RAPGEF2: variants seen among roughly 807,000 people sequenced by gnomAD.
RAPGEF2 encodes Rap guanine nucleotide exchange factor 2.
Under a neutral mutation model 186.7 loss-of-function variants are expected in RAPGEF2, and 54 were observed. The ratio of observed to expected loss-of-function variants is 0.29; its 90% CI spans 0.23 to 0.36. The LOEUF (loss-of-function observed/expected upper bound fraction) is 0.36, where lower values mean the gene tolerates loss of function less well. RAPGEF2 is among the 10% of genes least tolerant of loss of function. The probability of loss-of-function intolerance (pLI) is 1.00; values close to 1 mark genes in which losing one functional copy is unlikely to be tolerated. For missense variants in RAPGEF2, 1,532 were observed against 2,045.0 expected (o/e 0.75, Z 4.84); for synonymous variants, 712 against 705.9 (o/e 1.01, Z -0.14).
At position 159,343,395 on chromosome 4, in the gene RAPGEF2, T is replaced by C; in HGVS notation, c.3245T>C (p.Phe1082Ser). 3 of 1,614,054 alleles carry C rather than the reference T, an allele frequency of 1.9e-6. No homozygotes were observed. Among genetic ancestry groups the C allele is most frequent in the Non-Finnish European group, 2.5e-6 (3 of 1,179,910 alleles). Residue 1082 changes from phenylalanine to serine, a missense_variant, in exon 22 of 30, where the codon TTC (phenylalanine) becomes TCC (serine). By Grantham distance (155) the Phe-to-Ser change is radical. Around this residue, in one of 4 missense-constraint regions of RAPGEF2, gnomAD observed 117 missense variants for 180.8 expected, o/e 0.65. Transcript: ENST00000691494. ...GTGAACATGGACCCTGCCCTCATGT[T>C]CAGGACTCGGTGAGTATGTCATCTT... ...ASVNMDPALM[F>S]RTRKKKWRSL...
At chr4:159,335,529 A>C (rs1323855443) in intron 17 of RAPGEF2, among the ~76,000 whole-genome samples, 1 of 152,118 alleles carries the variant, frequency 6.6e-6, no homozygotes, top group East Asian at 1.9e-4. Flanking sequence ...TCATCATGTA[A>C]GGTGTTAAAG....
intron 1 of RAPGEF2, among the ~76,000 whole-genome samples, chr4:159,140,388 A>T (rs745845219): frequency 7.2e-5 from 11 of 152,228 alleles, no homozygotes; most frequent in Non-Finnish European, 1.6e-4. Context: ...AATGAACCTG[A>T]ACTTACCTTT....
intron 7 of RAPGEF2, among the ~76,000 whole-genome samples, chr4:159,262,146 A>G (rs923251970): frequency 1.3e-5 from 2 of 152,226 alleles, no homozygotes; most frequent in East Asian, 1.9e-4. Context: ...AACAACCACT[A>G]TGTGTCAAGT....
At chr4:159,297,195 A>G (rs1762129330) in intron 7 of RAPGEF2, among the ~76,000 whole-genome samples, 1 of 152,160 alleles carries the variant, frequency 6.6e-6, no homozygotes, top group African/African-American at 2.4e-5. Context: ...AAACATTATC[A>G]TAATATAGGA....
At chr4:159,229,920 A>G (rs190966813) in intron 4 of RAPGEF2, among the ~76,000 whole-genome samples, 1 of 151,934 alleles carries the variant, frequency 6.6e-6, no homozygotes, top group Admixed American at 6.6e-5. Flanking sequence ...TTCTTTTTTG[A>G]TATGGCAGAG....
intron 9 of RAPGEF2, among the ~76,000 whole-genome samples, chr4:159,317,264 G>C (rs557930116): frequency 7.9e-5 from 12 of 152,168 alleles, no homozygotes; most frequent in Non-Finnish European, 1.5e-4. Context: ...GATGAATATT[G>C]TATGGTAATT....
chr4:159,238,835 T>C lies in RAPGEF2; in HGVS notation c.308T>C (p.Phe103Ser). ...SSFGKRSAGS[F>S]RRGCECIVLE... ...TTTGGCAAGCGTTCTGCAGGAAGTT[T>C]TAGGCGTGGCTGTGAATGCATTGTT... Residue 103 changes from phenylalanine to serine, a missense_variant, in exon 5 of 30, where the codon TTT (phenylalanine) becomes TCT (serine). Phe to Ser is a radical substitution (Grantham distance 155). Around this residue, in one of 4 missense-constraint regions of RAPGEF2, gnomAD observed 810 missense variants for 1,210.5 expected, o/e 0.67. Transcript: ENST00000691494. 1.3e-6 allele frequency: 2 copies of C among 1,526,146 alleles called. No homozygotes were observed. The highest frequency in any genetic ancestry group is 1.7e-6 in the Non-Finnish European group (2 of 1,144,010). 94.5% of individuals were successfully genotyped at this position (1,526,146 alleles called of 1,614,324 possible). A position where few individuals can be genotyped will look rare whatever the true frequency, so the allele number is the denominator to read the frequency against.
intron 4 of RAPGEF2, among the ~76,000 whole-genome samples, chr4:159,219,504 C>T (rs745950180): frequency 1.6e-4 from 25 of 151,736 alleles, no homozygotes; most frequent in South Asian, 4.2e-4. Context: ...TACAGGCACC[C>T]GCCACCACGT....
intron 3 of RAPGEF2, among the ~76,000 whole-genome samples, chr4:159,198,237 TTTCTTTCTTCC>T (rs1748895331): frequency 1.6e-5 from 2 of 126,940 alleles, no homozygotes; most frequent in African/African-American, 6.2e-5. Flanking sequence ...TTTTCTTTTC[TTTCTTTCTTCC>T]TTTCTTTCTT....
chr4:159,338,321 A>G lies in RAPGEF2; in HGVS notation c.2146A>G (p.Ile716Val). Reference protein sequence around the residue: ...LPQKPYNDIGIGQSQDDSIVG... With the variant: ...LPQKPYNDIGVGQSQDDSIVG... ...TTCCTCTTTGTTCAGTGATATTGGG[A>G]TTGGTCAGTCTCAAGATGACAGCAT... Residue 716 changes from isoleucine to valine, a missense_variant, in exon 18 of 30, where the codon ATT (isoleucine) becomes GTT (valine). Ile to Val is a conservative substitution (Grantham distance 29). Transcript: ENST00000691494. 1 of 1,611,274 alleles carries G rather than the reference A, an allele frequency of 6.2e-7. No individual in the cohort carries two copies. Among genetic ancestry groups the G allele is most frequent in the Non-Finnish European group, 8.5e-7 (1 of 1,178,694 alleles).
At chr4:159,173,724 G>T (rs1746150544) in intron 1 of RAPGEF2, among the ~76,000 whole-genome samples, 1 of 152,154 alleles carries the variant, frequency 6.6e-6, no homozygotes, top group South Asian at 2.1e-4. Flanking sequence ...GTATGTCTGT[G>T]CCTCTGTTCT....
intron 7 of RAPGEF2, among the ~76,000 whole-genome samples, chr4:159,255,963 A>G (rs574468186): frequency 1.3e-5 from 2 of 152,310 alleles, no homozygotes; most frequent in African/African-American, 4.8e-5. Context: ...CTCTAAGACA[A>G]TCTTTTAGTA....
intron 3 of RAPGEF2, among the ~76,000 whole-genome samples, chr4:159,202,561 C>A (rs753505209): frequency 1.2e-4 from 19 of 152,096 alleles, no homozygotes; most frequent in Non-Finnish European, 2.6e-4. Flanking sequence ...TGTTTTCTTT[C>A]AACTCTCTTT....
intron 25 of RAPGEF2, among the ~76,000 whole-genome samples, chr4:159,349,187 T>G (rs1201324718): frequency 6.6e-6 from 1 of 152,216 alleles, no homozygotes; most frequent in Non-Finnish European, 1.5e-5. Flanking sequence ...TTTAAAAGGT[T>G]TTTTTAAAAA....
intron 7 of RAPGEF2, among the ~76,000 whole-genome samples, chr4:159,252,170 C>T (rs1057120564): frequency 6.6e-6 from 1 of 152,180 alleles, no homozygotes; most frequent in Non-Finnish European, 1.5e-5. Flanking sequence ...AAGAGATCCT[C>T]CCACCTCAGC....
intron 1 of RAPGEF2, among the ~76,000 whole-genome samples, chr4:159,165,348 A>G (rs1745192855): frequency 6.6e-6 from 1 of 152,126 alleles, no homozygotes; most frequent in African/African-American, 2.4e-5. Flanking sequence ...TACCTGGTTC[A>G]TTTTCATGTT....
chr4:159,202,098 G>A (rs868110702), intron 3 of RAPGEF2, among the ~76,000 whole-genome samples: 4 of 152,184 alleles, frequency 2.6e-5, no homozygotes, highest in African/African-American at 7.2e-5. Flanking sequence ...TAGCTGTGTC[G>A]TGTGCTCGGC....
At chr4:159,182,618 A>T (rs564810304) in intron 1 of RAPGEF2, among the ~76,000 whole-genome samples, 4 of 151,596 alleles carry the variant, frequency 2.6e-5, no homozygotes, top group Admixed American at 2.0e-4. Context: ...CTGGTCTCGA[A>T]CTCCTAACCT....
At chr4:159,157,388 G>T (rs1744238407) in intron 1 of RAPGEF2, among the ~76,000 whole-genome samples, 1 of 152,198 alleles carries the variant, frequency 6.6e-6, no homozygotes, top group African/African-American at 2.4e-5. Context: ...TGCTAAGCAA[G>T]TGGGAGAGGA....
Sources: gnomAD v4.1 joint callset for allele counts (sites outside exome capture counted in the v4.1 genomes callset) on GRCh38, gnomAD v4.1.1 for gene constraint, gnomAD v4.1.1 regional missense constraint, MANE v1.5 for transcripts, NCBI Gene and HGNC (gene_info 2026-07-23, HGNC 2026-07-21) for gene names.